Variants in AVP observed in about 807,000 individuals in gnomAD.
AVP encodes arginine vasopressin, also known as vasopressin-neurophysin 2-copeptin.
Under a neutral mutation model 11.1 loss-of-function variants are expected in AVP, and 9 were observed. The ratio of observed to expected loss-of-function variants is 0.81; its 90% CI spans 0.49 to 1.42. The LOEUF (loss-of-function observed/expected upper bound fraction) is 1.42, where lower values mean the gene tolerates loss of function less well. Among genes scored for constraint, AVP ranks in the 40% most tolerant of loss-of-function variants. AVP has a pLI of 0.00. For synonymous variants in AVP, 106 were observed against 111.3 expected, an observed-to-expected ratio of 0.95 and a Z score of 0.30; for missense variants, 206 against 238.5, an observed-to-expected ratio of 0.86 and a Z score of 0.90.
chr20:3,082,910 G>T lies in AVP; in HGVS notation c.322+67C>A. The T allele has an allele frequency of 2.1e-6, 1 of 473,088 alleles. No individual in the cohort carries two copies. The highest frequency in any genetic ancestry group is 3.0e-6 in the Non-Finnish European group (1 of 332,546). 29.3% of individuals were successfully genotyped at this position (473,088 alleles called of 1,614,324 possible). A position where few individuals can be genotyped will look rare whatever the true frequency, so the allele number is the denominator to read the frequency against. On this transcript the variant is annotated intron_variant, in intron 2 of 2. Coordinates refer to ENST00000380293, the MANE Select transcript of AVP (RefSeq NM_000490.5). This position sits in a 1 kb window ranked among gnomAD's most constrained non-coding sequence, Gnocchi z 4.7. ...CCGACGCAGCCCCCACCCCGCCGCA[G>T]GCCCGCGTCCCCCCCACCCAAGCGG...
intron 1 of AVP, 133 bp downstream of exon 1, chr20:3,084,422 G>A (rs1568734721): frequency 6.7e-7 from 1 of 1,496,300 alleles, no homozygotes; most frequent in South Asian, 1.2e-5. Context: ...GCCATGCCAT[G>A]CCTCCCTCTT....
chr20:3,082,945 C>A lies in AVP; in HGVS notation c.322+32G>T. The A allele has an allele frequency of 1.5e-6, 2 of 1,316,722 alleles. No individual in the cohort carries two copies. The highest frequency in any genetic ancestry group is 1.9e-6 in the Non-Finnish European group (2 of 1,032,776). The allele number at this position is 1,316,722 out of a possible 1,614,324, so 81.6% of individuals were successfully genotyped here. On this transcript the variant is annotated intron_variant, in intron 2 of 2. Transcript: ENST00000380293. The surrounding 1 kb of genome is among the most constrained non-coding windows in gnomAD (Gnocchi z 4.7). Reference sequence around the variant, plus strand: ...CCCCCCACCCAAGCGGTCTGCGCCCCCCCCAGCCCCAGGCCCGCCCCCGCC... The same window carrying A: ...CCCCCCACCCAAGCGGTCTGCGCCCACCCCAGCCCCAGGCCCGCCCCCGCC...
intron 1 of AVP, 21 bp downstream of exon 1, chr20:3,084,534 A>G (rs926283463): frequency 1.9e-6 from 3 of 1,613,508 alleles, no homozygotes; most frequent in East Asian, 2.2e-5. Flanking sequence ...CAGCCCTGAG[A>G]TGGCCCACAG....
At chr20:3,084,317 C>G (rs561334353) in intron 1 of AVP, among the ~76,000 whole-genome samples, 14 of 152,346 alleles carry the variant, frequency 9.2e-5, no homozygotes, top group Non-Finnish European at 1.9e-4. Flanking sequence ...GCATCCCTGT[C>G]TGGATGGCGA....
chr20:3,082,836 G>T lies in AVP; in HGVS notation c.323-34C>A. On this transcript the variant is annotated intron_variant, in intron 2 of 2. Coordinates refer to ENST00000380293, the MANE Select transcript of AVP (RefSeq NM_000490.5). The surrounding 1 kb of genome is among the most constrained non-coding windows in gnomAD (Gnocchi z 4.7). ...AGGACGTGTGAGCACGGGCGCCCTG[G>T]GGCGGGCGCAGCTCGGGGTGCGGGG... The T allele has an allele frequency of 8.2e-7, 1 of 1,221,888 alleles. No homozygotes were observed. Among genetic ancestry groups the T allele is most frequent in the Non-Finnish European group, 1.0e-6 (1 of 982,308 alleles). 75.7% of individuals were successfully genotyped at this position (1,221,888 alleles called of 1,614,324 possible).
Position 3,084,573 on chromosome 20 carries a change from G to A in AVP, c.102C>T (p.Ser34=), listed in dbSNP as rs3729964. 131 of 1,613,972 alleles carry A rather than the reference G, an allele frequency of 8.1e-5. No homozygotes were observed. The highest frequency in any genetic ancestry group is 7.9e-4 in the African/African-American group (59 of 75,070). ...NCPRGGKRAM[S]DLELRQCLPC... ...GAAGTACCTGTCTCAGCTCCAGGTC[G>A]GACATGGCCCTCTTGCCGCCCCTCG... is the stretch of plus-strand genomic sequence containing the variant. The change falls in exon 1 of 3, where the codon TCC becomes TCT. Residue 34 remains serine (S), a synonymous_variant. Transcript: ENST00000380293.
At position 3,082,662 on chromosome 20, in the gene AVP, GCT is replaced by G. The variant is rs1209524435; in HGVS notation, c.461_462del (p.Glu154AlafsTer31). Reference sequence around the variant, plus strand: ...GCGTCGGGCTGGGCGGGCTCGAAGGGCTCGGGCGCCCCGGCCAGCTGCACCAG... The same window carrying G: ...GCGTCGGGCTGGGCGGGCTCGAAGGGCGGGCGCCCCGGCCAGCTGCACCAG... ...LRLVQLAGAP[E>X]PFEPAQPDAY On this transcript the variant is annotated frameshift_variant, in exon 3 of 3. Coordinates refer to ENST00000380293, the MANE Select transcript of AVP (RefSeq NM_000490.5). LOFTEE classifies it high-confidence loss of function. The surrounding 1 kb of genome is among the most constrained non-coding windows in gnomAD (Gnocchi z 4.7). The G allele has an allele frequency of 2.3e-6, 3 of 1,282,896 alleles. No individual in the cohort carries two copies. The African/African-American group carries it at 4.7e-5, about 20-fold the overall frequency. 79.5% of individuals were successfully genotyped at this position (1,282,896 alleles called of 1,614,324 possible). A position where few individuals can be genotyped will look rare whatever the true frequency, so the allele number is the denominator to read the frequency against.
Position 3,084,694 on chromosome 20 carries a change from C to A in AVP, c.-20G>T. On this transcript the variant is annotated 5_prime_UTR_variant, in exon 1 of 3. Coordinates refer to ENST00000380293, the MANE Select transcript of AVP (RefSeq NM_000490.5). ...AGGCATCCTGGTGCACACAGGTGGACCCCGTATGCAGCACTGCTTGGTGGC... is the reference window on the plus strand; with the variant it reads ...AGGCATCCTGGTGCACACAGGTGGAACCCGTATGCAGCACTGCTTGGTGGC... The A allele has an allele frequency of 6.2e-7, 1 of 1,612,466 alleles. No individual in the cohort carries two copies. The highest frequency in any genetic ancestry group is 1.3e-5 in the African/African-American group (1 of 75,056).
Position 3,083,250 on chromosome 20 carries a change from G to C in AVP, c.121-72C>G. ...AGGGGTTGGAGGGGAACGCAGCGAG[G>C]CGGGGATGCTGGGGTCCAGGGCTCG... On this transcript the variant is annotated intron_variant, in intron 1 of 2. Coordinates refer to ENST00000380293, the MANE Select transcript of AVP (RefSeq NM_000490.5). This position sits in a 1 kb window ranked among gnomAD's most constrained non-coding sequence, Gnocchi z 5.4. The C allele has an allele frequency of 3.0e-6, 4 of 1,354,606 alleles. No homozygotes were observed. In the South Asian group the frequency reaches 6.6e-5, roughly 22 times the overall value. The allele number at this position is 1,354,606 out of a possible 1,614,324, so 83.9% of individuals were successfully genotyped here. A position where few individuals can be genotyped will look rare whatever the true frequency, so the allele number is the denominator to read the frequency against.
Position 3,082,581 on chromosome 20 carries a change from T to A in AVP, c.*49A>T. The A allele has an allele frequency of 4.9e-6, 6 of 1,231,412 alleles. No individual in the cohort carries two copies. The highest frequency in any genetic ancestry group is 6.1e-6 in the Non-Finnish European group (6 of 986,906). The allele number at this position is 1,231,412 out of a possible 1,614,324, so 76.3% of individuals were successfully genotyped here. ...TGCATTGGCGGAGGTTTATTGTCCGTGCTGCAGGGGCGGGCGCGAAGAGCG... is the reference window on the plus strand; with the variant it reads ...TGCATTGGCGGAGGTTTATTGTCCGAGCTGCAGGGGCGGGCGCGAAGAGCG... On this transcript the variant is annotated 3_prime_UTR_variant, in exon 3 of 3. Coordinates refer to ENST00000380293, the MANE Select transcript of AVP (RefSeq NM_000490.5). This position sits in a 1 kb window ranked among gnomAD's most constrained non-coding sequence, Gnocchi z 4.7.
Position 3,082,610 on chromosome 20 carries a change from C to G in AVP, c.*20G>C. ...GCAGGGGCGGGCGCGAAGAGCGCGC[C>G]GGTGGGGCGAGCGCGGGGCTCAGTA... On this transcript the variant is annotated 3_prime_UTR_variant, in exon 3 of 3. Coordinates refer to ENST00000380293, the MANE Select transcript of AVP (RefSeq NM_000490.5). This position sits in a 1 kb window ranked among gnomAD's most constrained non-coding sequence, Gnocchi z 4.7. The G allele has an allele frequency of 4.8e-6, 6 of 1,245,854 alleles. No individual in the cohort carries two copies. The highest frequency in any genetic ancestry group is 6.0e-6 in the Non-Finnish European group (6 of 996,260). 77.2% of individuals were successfully genotyped at this position (1,245,854 alleles called of 1,614,324 possible).
chr20:3,083,050 C>A lies in AVP; in HGVS notation c.249G>T (p.Ser83=), dbSNP rs753996905. 5 of 1,559,714 alleles carry A rather than the reference C, an allele frequency of 3.2e-6. No individual in the cohort carries two copies. In the South Asian group the frequency reaches 4.6e-5, roughly 14 times the overall value. The change falls in exon 2 of 3, where the codon TCG becomes TCT. Residue 83 remains serine, a synonymous_variant. Transcript: ENST00000380293. This position sits in a 1 kb window ranked among gnomAD's most constrained non-coding sequence, Gnocchi z 5.4. ...LRCQEENYLP[S]PCQSGQKACG... ...ACGCCTTCTGGCCGGACTGGCAGGG[C>A]GACGGCAGGTAGTTCTCCTCCTGGC...
In AVP at chr20:3,083,285, C is replaced by T. The variant is rs905575378; in HGVS notation, c.121-107G>A. On this transcript the variant is annotated intron_variant, in intron 1 of 2. Transcript: ENST00000380293. This position sits in a 1 kb window ranked among gnomAD's most constrained non-coding sequence, Gnocchi z 5.4. Reference sequence around the variant, plus strand: ...TGGGGTCCAGGGCTCGGAGTGCGGGCGGGACACCGGGGCTGCGGCTGCAGG... The same window carrying T: ...TGGGGTCCAGGGCTCGGAGTGCGGGTGGGACACCGGGGCTGCGGCTGCAGG... The T allele has an allele frequency of 2.5e-6, 3 of 1,198,254 alleles. No homozygotes were observed. The highest frequency in any genetic ancestry group is 3.3e-6 in the Non-Finnish European group (3 of 922,378). The allele number at this position is 1,198,254 out of a possible 1,614,324, so 74.2% of individuals were successfully genotyped here. A position where few individuals can be genotyped will look rare whatever the true frequency, so the allele number is the denominator to read the frequency against.
Position 3,082,992 on chromosome 20 carries a change from C to G in AVP, c.307G>C (p.Val103Leu), listed in dbSNP as rs1432060450. ...CGCCGCGCACCGTCGTTGCAGCAAACGCCGAAGGCGGCGCAGCGGCCCCCG... is the reference window on the plus strand; with the variant it reads ...CGCCGCGCACCGTCGTTGCAGCAAAGGCCGAAGGCGGCGCAGCGGCCCCCG... Reference protein sequence around the residue: ...GSGGRCAAFGVCCNDESCVTE... With the variant: ...GSGGRCAAFGLCCNDESCVTE... The change falls in exon 2 of 3, where the codon GTT (valine) becomes CTT (leucine). Residue 103 changes from valine (V) to leucine (L), a missense_variant. By Grantham distance (32) the Val-to-Leu change is conservative. Around this residue, in one of 2 missense-constraint regions of AVP, gnomAD observed 100 missense variants for 149.3 expected, o/e 0.67. Coordinates refer to ENST00000380293, the MANE Select transcript of AVP (RefSeq NM_000490.5). This position sits in a 1 kb window ranked among gnomAD's most constrained non-coding sequence, Gnocchi z 4.7. 3.7e-6 allele frequency: 5 copies of G among 1,357,176 alleles called. No individual in the cohort carries two copies. Among genetic ancestry groups the G allele is most frequent in the Non-Finnish European group, 3.9e-6 (4 of 1,036,776 alleles). The allele number at this position is 1,357,176 out of a possible 1,614,324, so 84.1% of individuals were successfully genotyped here.
Position 3,082,782 on chromosome 20 carries a change from C to T in AVP, c.343G>A (p.Glu115Lys). The change falls in exon 3 of 3, where the codon GAG becomes AAG. Residue 115 changes from glutamate to lysine, a missense_variant. Coordinates refer to ENST00000380293, the MANE Select transcript of AVP (RefSeq NM_000490.5). This position sits in a 1 kb window ranked among gnomAD's most constrained non-coding sequence, Gnocchi z 4.7. ...CNDESCVTEP[E>K]CREGFHRRAR... ...CGGCGGTGAAAGCCCTCGCGGCACT[C>T]GGGCTCGGTCACGCAGCTCTCTGCC... The T allele has an allele frequency of 1.6e-6, 2 of 1,255,872 alleles. No individual in the cohort carries two copies. Among genetic ancestry groups the T allele is most frequent in the Non-Finnish European group, 2.0e-6 (2 of 1,002,916 alleles). 77.8% of individuals were successfully genotyped at this position (1,255,872 alleles called of 1,614,324 possible). A position where few individuals can be genotyped will look rare whatever the true frequency, so the allele number is the denominator to read the frequency against.
rs2066122537 is a variant in AVP at position 3,083,526 on chromosome 20, C to T, written c.121-348G>A. Reference sequence around the variant, plus strand: ...CCACTGTTGCAGCTGCCCCACCCTCCACCACTCCAGACCCTTCCTCCTTCC... The same window carrying T: ...CCACTGTTGCAGCTGCCCCACCCTCTACCACTCCAGACCCTTCCTCCTTCC... On this transcript the variant is annotated intron_variant, in intron 1 of 2. Coordinates refer to ENST00000380293, the MANE Select transcript of AVP (RefSeq NM_000490.5). The surrounding 1 kb of genome is among the most constrained non-coding windows in gnomAD (Gnocchi z 5.4). 6.6e-6 allele frequency among the ~76,000 whole-genome samples: 1 copy of T among 152,162 alleles called. No individual in the cohort carries two copies. Among genetic ancestry groups the T allele is most frequent in the African/African-American group, 2.4e-5 (1 of 41,448 alleles).
chr20:3,082,746 T>TGGCGCG lies in AVP; in HGVS notation c.373_378dup (p.Arg125_Ala126dup). 1 of 1,276,776 alleles carries TGGCGCG rather than the reference T, an allele frequency of 7.8e-7. No homozygotes were observed. Among genetic ancestry groups the TGGCGCG allele is most frequent in the Non-Finnish European group, 9.9e-7 (1 of 1,013,870 alleles). 79.1% of individuals were successfully genotyped at this position (1,276,776 alleles called of 1,614,324 possible). A position where few individuals can be genotyped will look rare whatever the true frequency, so the allele number is the denominator to read the frequency against. ...AGCTGCGTGGCGTTGCTCCGGTCGC[T>TGGCGCG]GGCGCGGGCGCGGCGGTGAAAGCCC... On this transcript the variant is annotated inframe_insertion, in exon 3 of 3. Transcript: ENST00000380293. The surrounding 1 kb of genome is among the most constrained non-coding windows in gnomAD (Gnocchi z 4.7).
rs752961032 is a variant in AVP, at chr20:3,084,583, C to G, written c.92G>C (p.Arg31Thr). The G allele has an allele frequency of 6.2e-7, 1 of 1,614,030 alleles. No homozygotes were observed. Residue 31 changes from arginine (R) to threonine (T), a missense_variant, in exon 1 of 3, where the codon AGG becomes ACG. By Grantham distance (71) the Arg-to-Thr change is moderately conservative. Transcript: ENST00000380293. ...TCTCAGCTCCAGGTCGGACATGGCC[C>G]TCTTGCCGCCCCTCGGGCAGTTCTG... ...YFQNCPRGGK[R>T]AMSDLELRQC...
Position 3,082,605 on chromosome 20 carries a change from C to G in AVP, c.*25G>C. 2 of 1,244,654 alleles carry G rather than the reference C, an allele frequency of 1.6e-6. No individual in the cohort carries two copies. 77.1% of individuals were successfully genotyped at this position (1,244,654 alleles called of 1,614,324 possible). ...GTGCTGCAGGGGCGGGCGCGAAGAG[C>G]GCGCCGGTGGGGCGAGCGCGGGGCT... On this transcript the variant is annotated 3_prime_UTR_variant, in exon 3 of 3. Coordinates refer to ENST00000380293, the MANE Select transcript of AVP (RefSeq NM_000490.5). This position sits in a 1 kb window ranked among gnomAD's most constrained non-coding sequence, Gnocchi z 4.7.
Sources: allele counts gnomAD v4.1 joint callset (sites outside exome capture counted in the v4.1 genomes callset), GRCh38; gene constraint gnomAD v4.1.1; regional missense constraint gnomAD v4.1.1; non-coding constraint Gnocchi (gnomAD v3.1); transcripts MANE v1.5; gene names NCBI Gene and HGNC (gene_info 2026-07-23, HGNC 2026-07-21).